CDH18: variants seen among roughly 807,000 people sequenced by gnomAD.
CDH18 encodes cadherin 18.
Under a neutral mutation model 67.9 loss-of-function variants are expected in CDH18, and 31 were observed. The ratio of observed to expected loss-of-function variants is 0.46; its 90% confidence interval spans 0.34 to 0.62. The LOEUF is 0.62. Ranked by LOEUF, CDH18 falls within the 20% of genes least tolerant of loss-of-function variation. The probability of loss-of-function intolerance (pLI) is 0.01; values close to 1 mark genes in which losing one functional copy is unlikely to be tolerated. For synonymous variants in CDH18, 362 were observed against 347.2 expected (o/e 1.04, Z -0.48); for missense variants, 890 against 975.5 (o/e 0.91, Z 1.17).
intron 9 of CDH18, among the ~76,000 whole-genome samples, chr5:19,529,514 G>T (rs1169040647): frequency 6.6e-6 from 1 of 151,792 alleles, no homozygotes; most frequent in Non-Finnish European, 1.5e-5. Context: ...GATGTAAATT[G>T]CAAAATAAAC....
chr5:19,484,701 A>G (rs1019992957), intron 11 of CDH18, among the ~76,000 whole-genome samples: 1 of 152,244 alleles, frequency 6.6e-6, no homozygotes, highest in African/African-American at 2.4e-5. Context: ...CTTTAGCTCC[A>G]GAGCTTTTCC....
intron 2 of CDH18, among the ~76,000 whole-genome samples, chr5:19,914,077 T>C (rs1172239464): frequency 6.6e-6 from 1 of 152,034 alleles, no homozygotes; most frequent in Non-Finnish European, 1.5e-5. Context: ...GAAACTAAAA[T>C]AGCTTAGGCA....
At chr5:19,964,819 CTA>C (rs942099711) in intron 2 of CDH18, among the ~76,000 whole-genome samples, 1 of 152,012 alleles carries the variant, frequency 6.6e-6, no homozygotes, top group Admixed American at 6.6e-5. Flanking sequence ...AACAAAACGA[CTA>C]TAGCAATGTT....
At chr5:19,926,275 T>C (rs1285068068) in intron 2 of CDH18, among the ~76,000 whole-genome samples, 1 of 152,200 alleles carries the variant, frequency 6.6e-6, no homozygotes, top group East Asian at 1.9e-4. Flanking sequence ...GTAATATGCT[T>C]GAAATACTTT....
At chr5:20,272,436 G>A (rs1008215580) in intron 1 of CDH18, among the ~76,000 whole-genome samples, 6 of 152,010 alleles carry the variant, frequency 3.9e-5, no homozygotes, top group African/African-American at 4.8e-5. Context: ...TATGTTGAGG[G>A]AGTAGATAAA....
intron 2 of CDH18, among the ~76,000 whole-genome samples, chr5:20,206,162 C>A (rs1739868143): frequency 6.6e-6 from 1 of 151,714 alleles, no homozygotes; most frequent in South Asian, 2.1e-4. Context: ...GTTATAGCAA[C>A]TTATACCACA....
At chr5:20,544,333 T>C (rs557725763) in intron 1 of CDH18, among the ~76,000 whole-genome samples, 7 of 150,428 alleles carry the variant, frequency 4.7e-5, no homozygotes, top group African/African-American at 1.3e-4. Flanking sequence ...CATAAACACA[T>C]ATATATGTGT....
Position 19,755,096 on chromosome 5 carries a change from AG to A in CDH18, c.229-7861del, listed in dbSNP as rs1771351200. Among the ~76,000 whole-genome samples, 9 of 152,046 alleles carry A rather than the reference AG, an allele frequency of 5.9e-5. No homozygotes were observed. The South Asian group carries it at 1.7e-3, about 28-fold the overall frequency. ...ACTGACAATCTAAGGTCATGCCTTA[AG>A]GAACTAGAGGAACAAGAACAAACCA... On this transcript the variant is annotated intron_variant, in intron 3 of 12. Transcript: ENST00000382275.
chr5:19,856,296 A>T (rs540512712), intron 2 of CDH18, among the ~76,000 whole-genome samples: 2 of 152,274 alleles, frequency 1.3e-5, no homozygotes, highest in Non-Finnish European at 2.9e-5. Flanking sequence ...TATGGTACTA[A>T]TGTTTATAAT....
intron 1 of CDH18, among the ~76,000 whole-genome samples, chr5:20,522,721 C>T (rs909057865): frequency 8.5e-5 from 13 of 152,056 alleles, no homozygotes; most frequent in African/African-American, 3.1e-4. Flanking sequence ...AAAATAAAAC[C>T]CTCTCTGAAC....
At chr5:19,612,709 G>T in intron 5 of CDH18, 108 bp from the exon 6 acceptor site, 2 of 846,216 alleles carry the variant, frequency 2.4e-6, no homozygotes, top group Non-Finnish European at 3.7e-6. Flanking sequence ...GCATATTTTT[G>T]GGATAAAGTC....
At chr5:19,723,313 A>G (rs1026923388) in intron 4 of CDH18, among the ~76,000 whole-genome samples, 2 of 152,158 alleles carry the variant, frequency 1.3e-5, no homozygotes, top group Non-Finnish European at 2.9e-5. Context: ...GTTGAACTTC[A>G]GACACAATTT....
intron 2 of CDH18, among the ~76,000 whole-genome samples, chr5:19,868,639 A>G (rs939591426): frequency 4.9e-4 from 74 of 152,206 alleles, no homozygotes; most frequent in Non-Finnish European, 9.8e-4. Context: ...CCTCACATGG[A>G]AAGAGACTGA....
chr5:20,296,711 A>G (rs1472818747), intron 1 of CDH18, among the ~76,000 whole-genome samples: 2 of 151,782 alleles, frequency 1.3e-5, no homozygotes, highest in African/African-American at 2.4e-5. Flanking sequence ...TTACTTAATT[A>G]TATTGTAAAA....
chr5:19,762,199 A>G (rs1772451808), intron 3 of CDH18, among the ~76,000 whole-genome samples: 3 of 152,224 alleles, frequency 2.0e-5, no homozygotes, highest in African/African-American at 4.8e-5. Flanking sequence ...CTTCATGTCT[A>G]AAACACCAAA....
At chr5:19,824,070 A>G (rs994038344) in intron 3 of CDH18, among the ~76,000 whole-genome samples, 1 of 152,232 alleles carries the variant, frequency 6.6e-6, no homozygotes, top group African/African-American at 2.4e-5. Flanking sequence ...GAATCCCAAA[A>G]CTAACAGAAG....
chr5:19,787,171 A>G (rs1202115508), intron 3 of CDH18, among the ~76,000 whole-genome samples: 1 of 152,206 alleles, frequency 6.6e-6, no homozygotes, highest in African/African-American at 2.4e-5. Flanking sequence ...CTGAACTCAG[A>G]GTCATTTTAT....
intron 1 of CDH18, among the ~76,000 whole-genome samples, chr5:20,559,172 A>C (rs1758069672): frequency 6.6e-6 from 1 of 152,024 alleles, no homozygotes; most frequent in South Asian, 2.1e-4. Flanking sequence ...TAAGATTTTC[A>C]TGACAAGTAG....
At chr5:19,672,395 A>G (rs975096849) in intron 5 of CDH18, among the ~76,000 whole-genome samples, 4 of 152,170 alleles carry the variant, frequency 2.6e-5, no homozygotes, top group Admixed American at 6.6e-5. Flanking sequence ...GACTTAGTAA[A>G]TTAACAATAA....
Sources: gnomAD v4.1 joint callset for allele counts (sites outside exome capture counted in the v4.1 genomes callset) on GRCh38, gnomAD v4.1.1 for gene constraint, MANE v1.5 for transcripts, NCBI Gene and HGNC (gene_info 2026-07-23, HGNC 2026-07-21) for gene names.